The following CROCC variants were observed in gnomAD, a reference collection of about 807,000 sequenced individuals.
CROCC encodes ciliary rootlet coiled-coil, rootletin, also known as rootletin.
CROCC carries 180 observed loss-of-function variants against 245.2 expected under a neutral mutation model. That is an observed-to-expected ratio of 0.73 (90% CI 0.65 to 0.83). The LOEUF is 0.83. Ranked by LOEUF, CROCC falls within the 40% of genes least tolerant of loss-of-function variation. The pLI, the probability that CROCC is intolerant of heterozygous loss-of-function variation, is 0.00. For missense variants in CROCC, 2,688 were observed against 2,779.4 expected (o/e 0.97, Z 0.74); for synonymous variants, 1,205 against 1,241.6 (o/e 0.97, Z 0.62).
intron 9 of CROCC, 50 bp downstream of exon 9, chr1:16,936,923 A>C: frequency 6.5e-7 from 1 of 1,543,414 alleles, no homozygotes. Flanking sequence ...GCAGAAGGTA[A>C]AACTGGAGAG....
At chr1:16,939,315 C>A (rs1165611330) in intron 12 of CROCC, among the ~76,000 whole-genome samples, 173 bp downstream of exon 12, 8 of 152,204 alleles carry the variant, frequency 5.3e-5, no homozygotes, top group African/African-American at 1.9e-4. Flanking sequence ...GGTGTCAGGA[C>A]CCCCAAGGAG....
chr1:16,946,997 C>G lies in CROCC; in HGVS notation c.2514+6C>G. On this transcript the variant is annotated splice_donor_region_variant and intron_variant, in intron 17 of 36. Coordinates refer to ENST00000375541, the MANE Select transcript of CROCC (RefSeq NM_014675.5). ...TGCAGGAGCAGCTAGCGCAGGTGGG[C>G]AAAGCTGTGTGTGGGGGTGGTGTGG... 6.5e-7 allele frequency: 1 copy of G among 1,548,134 alleles called. No homozygotes were observed. The highest frequency in any genetic ancestry group is 8.7e-7 in the Non-Finnish European group (1 of 1,146,366).
At chr1:16,947,801 A>C (rs1272250988) in intron 17 of CROCC, among the ~76,000 whole-genome samples, 3 of 152,188 alleles carry the variant, frequency 2.0e-5, no homozygotes, top group African/African-American at 7.2e-5. Flanking sequence ...GAGCTGAGTG[A>C]GGGCCCTCAT....
intron 1 of CROCC, among the ~76,000 whole-genome samples, chr1:16,916,644 C>T (rs1193305989): frequency 1.3e-5 from 2 of 152,282 alleles, no homozygotes; most frequent in African/African-American, 2.4e-5. Flanking sequence ...GGAACTGGGA[C>T]TACAGGAGGT....
At chr1:16,929,315 G>A (rs1455387852) in intron 3 of CROCC, among the ~76,000 whole-genome samples, 1 of 152,258 alleles carries the variant, frequency 6.6e-6, no homozygotes, top group African/African-American at 2.4e-5. Context: ...CCTCTGTTTT[G>A]AATGTATTCC....
intron 5 of CROCC, 38 bp from the exon 6 acceptor site, chr1:16,930,248 C>T (rs1318518948): frequency 7.6e-6 from 12 of 1,588,608 alleles, no homozygotes; most frequent in Non-Finnish European, 1.0e-5. Context: ...CTGCCCTCCA[C>T]CTGCCCAACC....
chr1:16,914,382 G>T (rs1186026408), intron 1 of CROCC, among the ~76,000 whole-genome samples: 1 of 152,368 alleles, frequency 6.6e-6, no homozygotes, highest in East Asian at 1.9e-4. Flanking sequence ...ACAGGAGACT[G>T]GGGCCTGCAG....
At position 16,955,385 on chromosome 1, in the gene CROCC, C is replaced by T. The variant is rs149461214; in HGVS notation, c.3539C>T (p.Ala1180Val). The T allele has an allele frequency of 1.2e-6, 2 of 1,605,582 alleles. No individual in the cohort carries two copies. The highest frequency in any genetic ancestry group is 1.3e-5 in the African/African-American group (1 of 74,990). Residue 1180 changes from alanine to valine, a missense_variant, in exon 24 of 37, where the codon GCC becomes GTC. By Grantham distance (64) the Ala-to-Val change is moderately conservative. Transcript: ENST00000375541. ...GGGCTGCGGCGGGAGCTGCTGGAGGCCCAGCGCAAGCTGCGTGAGAGCCAG... is the reference window on the plus strand; with the variant it reads ...GGGCTGCGGCGGGAGCTGCTGGAGGTCCAGCGCAAGCTGCGTGAGAGCCAG... Reference protein sequence around the residue: ...RDGLRRELLEAQRKLRESQEG... With the variant: ...RDGLRRELLEVQRKLRESQEG...
At position 16,955,389 on chromosome 1, in the gene CROCC, G is replaced by A; in HGVS notation, c.3543G>A (p.Gln1181=). Residue 1181 remains glutamine (Q), a synonymous_variant, in exon 24 of 37, where the codon CAG becomes CAA. Transcript: ENST00000375541. Reference sequence around the variant, plus strand: ...TGCGGCGGGAGCTGCTGGAGGCCCAGCGCAAGCTGCGTGAGAGCCAGGAGG... The same window carrying A: ...TGCGGCGGGAGCTGCTGGAGGCCCAACGCAAGCTGCGTGAGAGCCAGGAGG... ...DGLRRELLEA[Q]RKLRESQEGR... 6.2e-7 allele frequency: 1 copy of A among 1,605,490 alleles called. No homozygotes were observed. Among genetic ancestry groups the A allele is most frequent in the Non-Finnish European group, 8.5e-7 (1 of 1,179,224 alleles).
chr1:16,965,922 G>A (rs2076409140), intron 28 of CROCC, 30 bp downstream of exon 28: 1 of 1,605,922 alleles, frequency 6.2e-7, no homozygotes, highest in African/African-American at 1.3e-5. Flanking sequence ...GCTGGATGGG[G>A]AACCTGGAGG....
intron 27 of CROCC, among the ~76,000 whole-genome samples, chr1:16,962,699 T>C (rs1012892413): frequency 6.7e-6 from 1 of 149,892 alleles, no homozygotes; most frequent in Non-Finnish European, 1.5e-5. Flanking sequence ...TGTGTATGTG[T>C]GTGTGTGTAT....
chr1:16,953,803 G>A (rs1417960392), intron 21 of CROCC: 3 of 285,286 alleles, frequency 1.1e-5, no homozygotes, highest in Non-Finnish European at 1.2e-5. Flanking sequence ...CAGTCCCCAC[G>A]ATGCCCACAG....
At chr1:16,943,624 T>C (rs2075981501) in intron 13 of CROCC, among the ~76,000 whole-genome samples, 1 of 152,286 alleles carries the variant, frequency 6.6e-6, no homozygotes, top group Non-Finnish European at 1.5e-5. Context: ...GGCAAGTCTT[T>C]GGGGTCCCAG....
At chr1:16,934,192 T>G (rs1256511169) in intron 8 of CROCC, among the ~76,000 whole-genome samples, 9 of 152,378 alleles carry the variant, frequency 5.9e-5, no homozygotes, top group African/African-American at 1.9e-4. Context: ...GTCACTCCTG[T>G]GTATATTAAT....
rs2076287838 is a variant in CROCC, at chr1:16,958,896, TAAC to T, written c.4032+153_4032+155del. 1.6e-5 allele frequency: 16 copies of T among 971,534 alleles called. No homozygotes were observed. The Admixed American group carries it at 4.3e-4, about 26-fold the overall frequency. 60.2% of individuals were successfully genotyped at this position (971,534 alleles called of 1,614,324 possible). ...CCTTGAGACTCTTCCCCAGTTGTAG[TAAC>T]AACAACCCAAAGAACAGTGGGCCTA... On this transcript the variant is annotated intron_variant, in intron 26 of 36. Transcript: ENST00000375541.
chr1:16,952,211 C>A (rs535546977), intron 20 of CROCC, among the ~76,000 whole-genome samples: 4 of 143,856 alleles, frequency 2.8e-5, no homozygotes, highest in African/African-American at 1.0e-4. Flanking sequence ...TTTGGCCGGT[C>A]GTGCTGACTC....
rs986241541 is a variant in CROCC at position 16,924,260 on chromosome 1, C to T, written c.197-65C>T. ...GGGCCTGGATGGTTTTCTTGCCCTC[C>T]CTGTTGGGGGGAGGATGTCCCACTG... On this transcript the variant is annotated intron_variant, in intron 2 of 36. Transcript: ENST00000375541. 4.4e-6 allele frequency: 7 copies of T among 1,577,234 alleles called. No homozygotes were observed. The African/African-American group carries it at 6.7e-5, about 15-fold the overall frequency.
chr1:16,931,079 A>G (rs1261356330), intron 7 of CROCC, among the ~76,000 whole-genome samples: 15 of 152,408 alleles, frequency 9.8e-5, no homozygotes, highest in African/African-American at 3.6e-4. Flanking sequence ...CAGCCAAAAG[A>G]GGACTTGAAA....
At chr1:16,914,165 C>T (rs1404537050) in intron 1 of CROCC, among the ~76,000 whole-genome samples, 1 of 151,404 alleles carries the variant, frequency 6.6e-6, no homozygotes, top group African/African-American at 2.4e-5. Flanking sequence ...CGCGCGTGCG[C>T]GGGGGCGGGA....
Sources: allele counts gnomAD v4.1 joint callset (sites outside exome capture counted in the v4.1 genomes callset), GRCh38; gene constraint gnomAD v4.1.1; transcripts MANE v1.5; gene names NCBI Gene and HGNC (gene_info 2026-07-23, HGNC 2026-07-21).